Variants in SH3RF3 observed in about 807,000 individuals in gnomAD.
SH3RF3 encodes the protein SH3 domain containing ring finger 3, also known as E3 ubiquitin-protein ligase SH3RF3.
In SH3RF3, 29 loss-of-function variants were observed where a neutral mutation model predicts 66.3. The observed-to-expected ratio is 0.44, with a 90% CI of 0.33 to 0.60. SH3RF3 has a LOEUF of 0.60. Ranked by LOEUF, SH3RF3 falls within the 20% of genes least tolerant of loss-of-function variation. The pLI, the probability that SH3RF3 is intolerant of heterozygous loss-of-function variation, is 0.04. For missense variants in SH3RF3, 1,194 were observed against 1,190.9 expected, an observed-to-expected ratio of 1.00 and a Z score of -0.04; for synonymous variants, 583 against 532.0, an observed-to-expected ratio of 1.10 and a Z score of -1.32.
chr2:109,130,913 A>G (rs975534078), intron 1 of SH3RF3, among the ~76,000 whole-genome samples: 8 of 152,332 alleles, frequency 5.3e-5, no homozygotes, highest in African/African-American at 1.9e-4. Context: ...CCTTGTGAAC[A>G]GTTACCAGGA....
chr2:109,400,573 G>GCACA (rs61479132), intron 4 of SH3RF3, among the ~76,000 whole-genome samples: 5,577 of 144,334 alleles, frequency 0.039, 193 homozygotes, highest in African/African-American at 0.099. Flanking sequence ...ACACACCTGT[G>GCACA]CGCACACACA....
chr2:109,272,818 G>A (rs933444613), intron 1 of SH3RF3, among the ~76,000 whole-genome samples: 6 of 152,176 alleles, frequency 3.9e-5, no homozygotes, highest in South Asian at 2.1e-4. Flanking sequence ...CACGCAGGAC[G>A]TCAGGCTTGG....
chr2:109,249,517 CTTT>C (rs58570316), intron 1 of SH3RF3, among the ~76,000 whole-genome samples: 1 of 86,932 alleles, frequency 1.2e-5, no homozygotes, highest in African/African-American at 4.4e-5. Context: ...TTCATTCTTT[CTTT>C]TTCTTTCTTT....
At chr2:109,227,225 A>C (rs116595587) in intron 1 of SH3RF3, among the ~76,000 whole-genome samples, 1 of 152,284 alleles carries the variant, frequency 6.6e-6, no homozygotes, top group African/African-American at 2.4e-5. Context: ...CCCAGGCCTC[A>C]GGGGCTGAAA....
intron 4 of SH3RF3, among the ~76,000 whole-genome samples, chr2:109,411,840 G>A (rs1046465971): frequency 2.4e-4 from 36 of 152,216 alleles, no homozygotes; most frequent in Non-Finnish European, 4.7e-4. Flanking sequence ...CCAGCTCTAA[G>A]TAATAGCTTA....
chr2:109,283,778 G>A (rs1047761939), intron 1 of SH3RF3, among the ~76,000 whole-genome samples: 1 of 152,212 alleles, frequency 6.6e-6, no homozygotes, highest in Non-Finnish European at 1.5e-5. Flanking sequence ...TTTGAACTTG[G>A]CTCTCTGCCT....
intron 1 of SH3RF3, among the ~76,000 whole-genome samples, chr2:109,261,106 A>G (rs896856643): frequency 5.3e-5 from 8 of 152,290 alleles, no homozygotes; most frequent in Admixed American, 2.0e-4. Flanking sequence ...AAGACGCCCA[A>G]TGGGGGCCCA....
At chr2:109,350,228 A>G (rs1177619660) in intron 2 of SH3RF3, among the ~76,000 whole-genome samples, 3 of 152,162 alleles carry the variant, frequency 2.0e-5, no homozygotes, top group African/African-American at 7.2e-5. Flanking sequence ...CAAGTGGGCA[A>G]TGTCACCATG....
At chr2:109,460,130 A>T (rs1343212769) in intron 8 of SH3RF3, among the ~76,000 whole-genome samples, 1 of 152,216 alleles carries the variant, frequency 6.6e-6, no homozygotes, top group Admixed American at 6.5e-5. Context: ...TTCATTTGCT[A>T]TGGAGTGAGC....
At chr2:109,155,760 A>C (rs1304603812) in intron 1 of SH3RF3, among the ~76,000 whole-genome samples, 1 of 152,228 alleles carries the variant, frequency 6.6e-6, no homozygotes, top group African/African-American at 2.4e-5. Context: ...ACATCCTGCC[A>C]ATGTTGATCA....
At chr2:109,449,722 A>G (rs1391900703) in intron 8 of SH3RF3, among the ~76,000 whole-genome samples, 1 of 152,228 alleles carries the variant, frequency 6.6e-6, no homozygotes, top group Non-Finnish European at 1.5e-5. Context: ...GTCCAGCTAC[A>G]TTTCTCATGC....
chr2:109,482,172 GC>G (rs1410621731), intron 8 of SH3RF3, among the ~76,000 whole-genome samples: 1 of 152,168 alleles, frequency 6.6e-6, no homozygotes, highest in Non-Finnish European at 1.5e-5. Context: ...GCATCTCAGA[GC>G]CTGTTTTTTC....
intron 7 of SH3RF3, among the ~76,000 whole-genome samples, chr2:109,442,930 CA>C (rs1350674934): frequency 6.6e-6 from 1 of 152,114 alleles, no homozygotes; most frequent in African/African-American, 2.4e-5. Context: ...TTACTAAAAA[CA>C]AACAAAAAAC....
intron 8 of SH3RF3, 74 bp downstream of exon 8, chr2:109,449,563 A>C: frequency 2.6e-6 from 4 of 1,524,836 alleles, no homozygotes; most frequent in Non-Finnish European, 3.5e-6. Flanking sequence ...ACTAGATGGC[A>C]GTGGCATTTG....
Position 109,304,607 on chromosome 2 carries a change from C to T in SH3RF3, c.574-43067C>T, listed in dbSNP as rs1158416855. Among the ~76,000 whole-genome samples the T allele has an allele frequency of 2.6e-5, 4 of 152,184 alleles. No homozygotes were observed. The East Asian group carries it at 7.7e-4, about 29-fold the overall frequency. ...TGCCCTCACCCTCTATCTTTAAGTT[C>T]AGACTATTTAGAGCTATTTGAGTTT... On this transcript the variant is annotated intron_variant, in intron 1 of 9. Coordinates refer to ENST00000309415, the MANE Select transcript of SH3RF3 (RefSeq NM_001099289.3).
intron 1 of SH3RF3, among the ~76,000 whole-genome samples, chr2:109,339,919 G>A (rs1425975596): frequency 6.6e-6 from 1 of 152,142 alleles, no homozygotes; most frequent in South Asian, 2.1e-4. Flanking sequence ...GGCTTCCCTC[G>A]CCTTTTGGGG....
intron 1 of SH3RF3, among the ~76,000 whole-genome samples, chr2:109,147,793 T>C (rs974699650): frequency 6.6e-6 from 1 of 152,240 alleles, no homozygotes; most frequent in African/African-American, 2.4e-5. Context: ...TATCCCGAAT[T>C]GGAGCCTAGC....
intron 1 of SH3RF3, among the ~76,000 whole-genome samples, chr2:109,157,372 C>G (rs1383939340): frequency 6.6e-6 from 1 of 152,166 alleles, no homozygotes; most frequent in Non-Finnish European, 1.5e-5. Context: ...TTTATAGACT[C>G]CCACGTGCCA....
chr2:109,317,451 C>T (rs1043286821), intron 1 of SH3RF3, among the ~76,000 whole-genome samples: 3 of 152,056 alleles, frequency 2.0e-5, no homozygotes, highest in East Asian at 3.9e-4. Context: ...TGGGGAGGCC[C>T]AGCCCCCCAC....
Sources: gnomAD v4.1 joint callset for allele counts (sites outside exome capture counted in the v4.1 genomes callset) on GRCh38, gnomAD v4.1.1 for gene constraint, MANE v1.5 for transcripts, NCBI Gene and HGNC (gene_info 2026-07-23, HGNC 2026-07-21) for gene names.